Variants in SLC5A5 observed in about 807,000 individuals in gnomAD.
SLC5A5 encodes the protein sodium/iodide cotransporter.
In SLC5A5, 56 loss-of-function variants were observed where a neutral mutation model predicts 68.6. That is an observed-to-expected ratio of 0.82 (90% CI 0.66 to 1.02). SLC5A5 has a LOEUF of 1.02. Among genes scored for constraint, SLC5A5 ranks in the 50% least tolerant of loss-of-function variants. The probability of loss-of-function intolerance (pLI) is 0.00; values close to 1 mark genes in which losing one functional copy is unlikely to be tolerated. For missense variants in SLC5A5, 807 were observed against 859.8 expected, an observed-to-expected ratio of 0.94 and a Z score of 0.77; for synonymous variants, 398 against 373.0, an observed-to-expected ratio of 1.07 and a Z score of -0.77.
At chr19:17,880,465 T>G (rs897990159) in intron 7 of SLC5A5, among the ~76,000 whole-genome samples, 1 of 152,182 alleles carries the variant, frequency 6.6e-6, no homozygotes, top group African/African-American at 2.4e-5. Flanking sequence ...TCCACCCGCC[T>G]CGGCCTCCCG....
chr19:17,892,825 A>G (rs548640767), intron 14 of SLC5A5, among the ~76,000 whole-genome samples: 8 of 152,210 alleles, frequency 5.3e-5, no homozygotes, highest in African/African-American at 1.2e-4. Context: ...GAGAGGTGAC[A>G]TTGATTGACC....
chr19:17,877,594 C>A, intron 5 of SLC5A5, 129 bp from the exon 6 acceptor site: 1 of 1,159,972 alleles, frequency 8.6e-7, no homozygotes. Flanking sequence ...AGGCATGAGC[C>A]ACTGCGCCTG....
chr19:17,879,660 C>A (rs1178704107), intron 7 of SLC5A5, among the ~76,000 whole-genome samples: 1 of 152,178 alleles, frequency 6.6e-6, no homozygotes, highest in African/African-American at 2.4e-5. Flanking sequence ...CGGGGGACCA[C>A]CCCATCTGCA....
Position 17,894,008 on chromosome 19 carries a change from A to G in SLC5A5, c.*131A>G. On this transcript the variant is annotated 3_prime_UTR_variant, in exon 15 of 15. Transcript: ENST00000222248. ...GTATGCAAATGAGTTCAGGACTACAATACCCTACCCTATGGGGAGGCCCTG... is the reference window on the plus strand; with the variant it reads ...GTATGCAAATGAGTTCAGGACTACAGTACCCTACCCTATGGGGAGGCCCTG... 5.5e-6 allele frequency: 5 copies of G among 908,404 alleles called. No homozygotes were observed. Among genetic ancestry groups the G allele is most frequent in the East Asian group, 2.6e-5 (1 of 38,058 alleles). The allele number at this position is 908,404 out of a possible 1,614,324, so 56.3% of individuals were successfully genotyped here.
rs118133504 is a variant in SLC5A5 at position 17,872,250 on chromosome 19, C to T, written c.-70C>T. 0.059 allele frequency: 33,299 copies of T among 560,874 alleles called. 914 individuals are homozygous for T. Among genetic ancestry groups the T allele is most frequent in the Middle Eastern group, 0.093 (165 of 1,778 alleles). 34.7% of individuals were successfully genotyped at this position (560,874 alleles called of 1,614,324 possible). On this transcript the variant is annotated 5_prime_UTR_variant, in exon 1 of 15. Coordinates refer to ENST00000222248, the MANE Select transcript of SLC5A5 (RefSeq NM_000453.3). ...CGCCCTCCCCGTCCTGCCTCCTCGG[C>T]CCCTGCCAGCTTCCCCCGCTTGAGC...
At chr19:17,889,413 A>AAGGAAGGAAGGAAG (rs2030065089) in intron 13 of SLC5A5, among the ~76,000 whole-genome samples, 166 of 137,716 alleles carry the variant, frequency 1.2e-3, no homozygotes, top group African/African-American at 4.8e-3. Context: ...AAAGAAAGAA[A>AAGGAAGGAAGGAAG]GAAGGAAGGA....
chr19:17,883,313 A>AGG (rs61392864), intron 10 of SLC5A5, among the ~76,000 whole-genome samples: 30 of 143,614 alleles, frequency 2.1e-4, no homozygotes, highest in African/African-American at 5.8e-4. Flanking sequence ...GGAATTGGGA[A>AGG]GGGGGAGGTG....
In SLC5A5 at chr19:17,883,763, C is replaced by A. The variant is rs756016277; in HGVS notation, c.1325C>A (p.Thr442Lys). 6.2e-7 allele frequency: 1 copy of A among 1,612,414 alleles called. No homozygotes were observed. The highest frequency in any genetic ancestry group is 8.5e-7 in the Non-Finnish European group (1 of 1,179,294). ...GGAATGTTCCTGCCGGCCTGCAACACACCGGTGAGTGGGGGCGGGGCAAGG... is the reference window on the plus strand; with the variant it reads ...GGAATGTTCCTGCCGGCCTGCAACAAACCGGTGAGTGGGGGCGGGGCAAGG... ...ILGMFLPACNTPGVLAGLGAG... is the reference protein window; with the variant it reads ...ILGMFLPACNKPGVLAGLGAG... The change falls in exon 11 of 15, where the codon ACA (threonine) becomes AAA (lysine). Residue 442 changes from threonine to lysine, a missense_variant. Physicochemically the swap from Thr to Lys is moderately conservative, Grantham distance 78 (BLOSUM62 -1). Transcript: ENST00000222248.
intron 13 of SLC5A5, among the ~76,000 whole-genome samples, chr19:17,889,395 T>C (rs1172000209): frequency 9.1e-6 from 1 of 109,934 alleles, no homozygotes; most frequent in Non-Finnish European, 1.6e-5. Flanking sequence ...TGAGACTCCA[T>C]CTAAAAGAAA....
At position 17,876,017 on chromosome 19, in the gene SLC5A5, G is replaced by A. The variant is rs2094306115; in HGVS notation, c.609G>A (p.Trp203Ter). 1 of 1,614,200 alleles carries A rather than the reference G, an allele frequency of 6.2e-7. No homozygotes were observed. The highest frequency in any genetic ancestry group is 8.5e-7 in the Non-Finnish European group (1 of 1,180,040). ...TCGTGGTGATGCTAAGTGGCTTCTG[G>A]GTTGTCCTGGCACGCGGTGTCATGC... ...FQVVVMLSGF[W>*]VVLARGVMLV... Residue 203 changes from tryptophan (W) to a stop codon, truncating the protein, a stop_gained, in exon 5 of 15, where the codon TGG (tryptophan) becomes TGA (stop). Transcript: ENST00000222248. LOFTEE classifies it high-confidence loss of function.
intron 14 of SLC5A5, among the ~76,000 whole-genome samples, chr19:17,892,031 C>T (rs1387209883): frequency 6.6e-6 from 1 of 152,166 alleles, no homozygotes; most frequent in African/African-American, 2.4e-5. Flanking sequence ...GGCACGGTAG[C>T]TCACGCCTGT....
At chr19:17,880,788 G>T in intron 7 of SLC5A5, 77 bp from the exon 8 acceptor site, 1 of 1,016,948 alleles carries the variant, frequency 9.8e-7, no homozygotes, top group Non-Finnish European at 1.6e-6. Context: ...TGCTGGGGAC[G>T]TGCAGCATCA....
At chr19:17,875,510 C>G (rs2094304647) in intron 4 of SLC5A5, among the ~76,000 whole-genome samples, 1 of 152,076 alleles carries the variant, frequency 6.6e-6, no homozygotes, top group Admixed American at 6.6e-5. Context: ...TACCTGTAAT[C>G]CCAGCACTTT....
intron 13 of SLC5A5, among the ~76,000 whole-genome samples, 182 bp from the exon 14 acceptor site, chr19:17,890,704 C>A (rs1405921556): frequency 6.6e-6 from 1 of 152,142 alleles, no homozygotes; most frequent in Non-Finnish European, 1.5e-5. Flanking sequence ...TGTTTTATTA[C>A]AACTTCACTG....
intron 10 of SLC5A5, among the ~76,000 whole-genome samples, chr19:17,883,385 A>T (rs143055241): frequency 1.7e-4 from 26 of 151,620 alleles, no homozygotes; most frequent in African/African-American, 5.8e-4. Context: ...CTGCACTCCA[A>T]CCTGGACAGC....
intron 1 of SLC5A5, among the ~76,000 whole-genome samples, chr19:17,873,891 G>C (rs1357076474): frequency 6.6e-6 from 1 of 152,246 alleles, no homozygotes; most frequent in Non-Finnish European, 1.5e-5. Flanking sequence ...GCCCGCGCCC[G>C]TCAGGCGCAA....
intron 4 of SLC5A5, 115 bp downstream of exon 4, chr19:17,874,846 C>G: frequency 3.2e-6 from 3 of 925,586 alleles, no homozygotes; most frequent in Non-Finnish European, 5.2e-6. Context: ...AGCTGGGACC[C>G]AGTGTCCTCA....
intron 13 of SLC5A5, among the ~76,000 whole-genome samples, chr19:17,890,520 T>C (rs998772844): frequency 1.3e-5 from 2 of 152,162 alleles, no homozygotes; most frequent in East Asian, 1.9e-4. Flanking sequence ...GCCTCCCAAG[T>C]AGCTGAGACT....
intron 2 of SLC5A5, 95 bp from the exon 3 acceptor site, chr19:17,874,399 C>G: frequency 7.8e-7 from 1 of 1,288,192 alleles, no homozygotes; most frequent in Non-Finnish European, 1.1e-6. Flanking sequence ...CTATCTGCCC[C>G]GCCCATATTC....
Sources: gnomAD v4.1 joint callset for allele counts (sites outside exome capture counted in the v4.1 genomes callset) on GRCh38, gnomAD v4.1.1 for gene constraint, MANE v1.5 for transcripts, NCBI Gene and HGNC (gene_info 2026-07-23, HGNC 2026-07-21) for gene names.